DNAH6: variants seen among roughly 807,000 people sequenced by gnomAD.
DNAH6 encodes axonemal beta dynein heavy chain 6.
Under a neutral mutation model 491.4 loss-of-function variants are expected in DNAH6, and 340 were observed. The observed-to-expected ratio is 0.69, with a 90% CI of 0.63 to 0.76. The LOEUF is 0.76. DNAH6 is among the 30% of genes least tolerant of loss of function. DNAH6 has a pLI of 0.00. For synonymous variants in DNAH6, 1,603 were observed against 1,686.1 expected (o/e 0.95, Z 1.21); for missense variants, 4,443 against 4,972.2 (o/e 0.89, Z 3.20).
At chr2:84,516,899 G>A (rs1573472328) in intron 1 of DNAH6, among the ~76,000 whole-genome samples, 1 of 152,114 alleles carries the variant, frequency 6.6e-6, no homozygotes. Context: ...GATTTTGAAG[G>A]CGTGGTACCA....
the DNAH6 span, among the ~76,000 whole-genome samples, chr2:84,474,544 C>T: frequency 6.6e-6 from 1 of 152,126 alleles, no homozygotes; most frequent in African/African-American, 2.4e-5. Flanking sequence ...TGGGTTATAT[C>T]CCATATTTCT....
intron 11 of DNAH6, among the ~76,000 whole-genome samples, chr2:84,568,888 C>T (rs1257294298): frequency 6.6e-6 from 1 of 151,874 alleles, no homozygotes; most frequent in Non-Finnish European, 1.5e-5. Flanking sequence ...AAAAATATAC[C>T]AACACTTTCT....
intron 66 of DNAH6, 83 bp downstream of exon 66, chr2:84,784,893 G>C: frequency 4.2e-6 from 4 of 953,936 alleles, no homozygotes; most frequent in Non-Finnish European, 6.5e-6. Flanking sequence ...ATCAGAGCCT[G>C]CACAGAAGCA....
At chr2:84,752,011 TG>T (rs990276798) in intron 63 of DNAH6, among the ~76,000 whole-genome samples, 6 of 152,234 alleles carry the variant, frequency 3.9e-5, no homozygotes, top group African/African-American at 1.4e-4. Flanking sequence ...TGAAGCATCT[TG>T]GTTTCCAAGG....
intron 62 of DNAH6, among the ~76,000 whole-genome samples, chr2:84,736,505 C>G (rs1353813366): frequency 2.0e-5 from 3 of 152,016 alleles, no homozygotes; most frequent in African/African-American, 7.2e-5. Flanking sequence ...TTGTTTGTTT[C>G]ATCCTTTCTT....
intron 64 of DNAH6, among the ~76,000 whole-genome samples, chr2:84,771,413 A>G (rs1178990019): frequency 6.6e-6 from 1 of 152,222 alleles, no homozygotes; most frequent in Non-Finnish European, 1.5e-5. Flanking sequence ...GAATATTTGA[A>G]GAAATAATGG....
intron 22 of DNAH6, among the ~76,000 whole-genome samples, chr2:84,615,997 A>AG (rs1686820671): frequency 6.6e-6 from 1 of 151,924 alleles, no homozygotes; most frequent in Admixed American, 6.6e-5. Context: ...TATGGTTTTG[A>AG]GGATTCCTTT....
At position 84,808,406 on chromosome 2, in the gene DNAH6, A is replaced by G. The variant is rs182828949; in HGVS notation, c.11612-9A>G. On this transcript the variant is annotated splice_polypyrimidine_tract_variant and intron_variant, in intron 71 of 76. Coordinates refer to ENST00000389394, the MANE Select transcript of DNAH6 (RefSeq NM_001370.2). ...TGACTGGCCTGAGGAATCGCTGTGT[A>G]TGTTTCAGAAAAACTGGAAATGGAG... 8.5e-5 allele frequency: 130 copies of G among 1,527,772 alleles called. No homozygotes were observed. The highest frequency in any genetic ancestry group is 3.7e-4 in the Admixed American group (17 of 46,458). 94.6% of individuals were successfully genotyped at this position (1,527,772 alleles called of 1,614,324 possible).
At chr2:84,615,249 T>G (rs967356698) in intron 22 of DNAH6, among the ~76,000 whole-genome samples, 2 of 152,176 alleles carry the variant, frequency 1.3e-5, no homozygotes, top group South Asian at 4.1e-4. Context: ...TTCTTCTACA[T>G]GTGGCTTGCC....
At chr2:84,620,358 A>G (rs1226392724) in intron 24 of DNAH6, among the ~76,000 whole-genome samples, 1 of 152,168 alleles carries the variant, frequency 6.6e-6, no homozygotes, top group African/African-American at 2.4e-5. Context: ...TGTGAGCACT[A>G]TTTAAGTGTT....
chr2:84,489,981 C>T, the DNAH6 span, among the ~76,000 whole-genome samples: 1 of 152,176 alleles, frequency 6.6e-6, no homozygotes, highest in Non-Finnish European at 1.5e-5. Flanking sequence ...CTTGAAATGA[C>T]ACCACTGTTG....
chr2:84,507,602 T>G, the DNAH6 span, among the ~76,000 whole-genome samples: 1 of 151,436 alleles, frequency 6.6e-6, no homozygotes, highest in Non-Finnish European at 1.5e-5. Flanking sequence ...TCCAACACTA[T>G]GTTGAATAGG....
At chr2:84,703,023 A>T (rs1696075161) in intron 49 of DNAH6, among the ~76,000 whole-genome samples, 2 of 152,194 alleles carry the variant, frequency 1.3e-5, no homozygotes, top group Admixed American at 1.3e-4. Context: ...GGCCAGAGCA[A>T]ACAAGCTCCC....
At chr2:84,797,828 G>C (rs1678493314) in intron 70 of DNAH6, 170 bp downstream of exon 70, 3 of 660,858 alleles carry the variant, frequency 4.5e-6, no homozygotes, top group Non-Finnish European at 7.6e-6. Flanking sequence ...GTTACCTCTG[G>C]GTCCTTCACA....
chr2:84,719,872 A>G (rs1697928170), intron 59 of DNAH6, among the ~76,000 whole-genome samples: 1 of 80,946 alleles, frequency 1.2e-5, no homozygotes, highest in Non-Finnish European at 2.5e-5. Context: ...TACCTCTAAC[A>G]CACACACACA....
intron 11 of DNAH6, among the ~76,000 whole-genome samples, chr2:84,564,080 G>C (rs533186265): frequency 1.4e-4 from 21 of 152,222 alleles, no homozygotes; most frequent in Middle Eastern, 3.4e-3. Context: ...CCAATACCTT[G>C]CTGTTTTGGT....
chr2:84,525,491 C>A, intron 2 of DNAH6, 74 bp from the exon 3 acceptor site: 2 of 1,407,706 alleles, frequency 1.4e-6, no homozygotes, highest in Non-Finnish European at 1.9e-6. Flanking sequence ...GAGAAAGAGT[C>A]CAAAGGTAGT....
At chr2:84,630,768 G>T (rs1186699841) in intron 29 of DNAH6, among the ~76,000 whole-genome samples, 1 of 152,144 alleles carries the variant, frequency 6.6e-6, no homozygotes, top group Non-Finnish European at 1.5e-5. Flanking sequence ...TAGCAGTATT[G>T]ATTTGGGTAA....
the DNAH6 span, among the ~76,000 whole-genome samples, chr2:84,464,818 A>G: frequency 6.6e-6 from 1 of 151,998 alleles, no homozygotes; most frequent in African/African-American, 2.4e-5. Flanking sequence ...GGCCTTTATG[A>G]CCTGTATTTT....
Sources: allele counts gnomAD v4.1 joint callset (sites outside exome capture counted in the v4.1 genomes callset), GRCh38; gene constraint gnomAD v4.1.1; transcripts MANE v1.5; gene names NCBI Gene and HGNC (gene_info 2026-07-23, HGNC 2026-07-21).